Variants in FAM174A observed in about 807,000 individuals in gnomAD.
The protein encoded by FAM174A is family with sequence similarity 174 member A.
In FAM174A, 14 loss-of-function variants were observed where a neutral mutation model predicts 14.3. That is an observed-to-expected ratio of 0.98 (90% CI 0.65 to 1.53). The LOEUF (loss-of-function observed/expected upper bound fraction) is 1.53. Ranked by LOEUF, FAM174A falls within the 40% of genes most tolerant of loss-of-function variation. FAM174A has a pLI of 0.00. For missense variants in FAM174A, 241 were observed against 249.6 expected, an observed-to-expected ratio of 0.97 and a Z score of 0.23; for synonymous variants, 108 against 111.4, an observed-to-expected ratio of 0.97 and a Z score of 0.19.
chr5:100,555,992 G>C (rs2112378683), intron 1 of FAM174A, among the ~76,000 whole-genome samples: 1 of 152,264 alleles, frequency 6.6e-6, no homozygotes, highest in South Asian at 2.1e-4. Context: ...ATTGCTTTTG[G>C]TGTTTTCGAC....
Position 100,558,582 on chromosome 5 carries a change from T to C in FAM174A, c.435-3472T>C, listed in dbSNP as rs187865357. The stretch of plus-strand genomic sequence containing the variant: ...TATTGTGTGGGAGTCTAGGTCTCTT[T>C]GTAGTTCTCTAAGGACTTGCTTTAT... On this transcript the variant is annotated intron_variant, in intron 1 of 2. Coordinates refer to ENST00000312637, the MANE Select transcript of FAM174A (RefSeq NM_198507.3). 1.1e-4 allele frequency among the ~76,000 whole-genome samples: 17 copies of C among 152,262 alleles called. No homozygotes were observed. The East Asian group carries it at 3.3e-3, about 29-fold the overall frequency.
chr5:100,541,316 T>C (rs1462750106), intron 1 of FAM174A, among the ~76,000 whole-genome samples: 3 of 152,188 alleles, frequency 2.0e-5, no homozygotes, highest in African/African-American at 7.2e-5. Context: ...TTAAATATCA[T>C]TCCTGTTAGA....
chr5:100,547,574 GAGC>G (rs1372339854), intron 1 of FAM174A, among the ~76,000 whole-genome samples: 10 of 152,094 alleles, frequency 6.6e-5, no homozygotes, highest in Non-Finnish European at 1.0e-4. Flanking sequence ...AAAAGTTAGT[GAGC>G]TTTTTGGTGG....
At chr5:100,571,065 G>A (rs897996073) in intron 2 of FAM174A, among the ~76,000 whole-genome samples, 2 of 151,316 alleles carry the variant, frequency 1.3e-5, no homozygotes, top group African/African-American at 2.4e-5. Flanking sequence ...TCTATATATC[G>A]TTGGGTTCAA....
intron 1 of FAM174A, among the ~76,000 whole-genome samples, chr5:100,550,282 G>A (rs1009675394): frequency 6.6e-6 from 1 of 151,714 alleles, no homozygotes; most frequent in African/African-American, 2.4e-5. Flanking sequence ...TTATTTTTTT[G>A]TCCTGAGTCA....
intron 2 of FAM174A, among the ~76,000 whole-genome samples, chr5:100,580,859 C>CTCT (rs1746997298): frequency 6.6e-6 from 1 of 152,132 alleles, no homozygotes; most frequent in African/African-American, 2.4e-5. Flanking sequence ...GTCCTGTTAA[C>CTCT]AGACCCACTA....
chr5:100,575,640 G>A (rs1041707953), intron 2 of FAM174A, among the ~76,000 whole-genome samples: 7 of 151,940 alleles, frequency 4.6e-5, no homozygotes, highest in African/African-American at 1.7e-4. Context: ...ACTTCATGTC[G>A]AAAACACCAA....
chr5:100,535,928 G>T lies in FAM174A; in HGVS notation c.398G>T (p.Gly133Val), dbSNP rs1468170195. The change falls in exon 1 of 3, where the codon GGC becomes GTC. Residue 133 changes from glycine to valine, a missense_variant. Gly to Val is a moderately radical substitution (Grantham distance 109). Transcript: ENST00000312637. ...RALTVLMVVS[G>V]AVLVYFVVRT... ...CTGACCGTGTTGATGGTGGTGAGCG[G>T]CGCGGTGCTGGTGTACTTCGTGGTC... 3.7e-6 allele frequency: 6 copies of T among 1,607,890 alleles called. No individual in the cohort carries two copies. Among genetic ancestry groups the T allele is most frequent in the Admixed American group, 1.7e-5 (1 of 59,748 alleles).
In FAM174A at chr5:100,555,219, G is replaced by A. The variant is rs184063456; in HGVS notation, c.435-6835G>A. Among the ~76,000 whole-genome samples, 84 of 151,946 alleles carry A rather than the reference G, an allele frequency of 5.5e-4. 3 individuals carry two copies. Among genetic ancestry groups the A allele is most frequent in the Admixed American group, 4.7e-3 (72 of 15,244 alleles). On this transcript the variant is annotated intron_variant, in intron 1 of 2. Coordinates refer to ENST00000312637, the MANE Select transcript of FAM174A (RefSeq NM_198507.3). ...TTGCGACAGTTTGCTGAGAATGATG[G>A]TTTCCAGCTTCATCCATGTCCCTAC...
chr5:100,550,821 G>C (rs1746247580), intron 1 of FAM174A, among the ~76,000 whole-genome samples: 1 of 152,158 alleles, frequency 6.6e-6, no homozygotes, highest in South Asian at 2.1e-4. Flanking sequence ...GTAGGTGAGA[G>C]AAGACTGTGA....
chr5:100,578,733 A>G (rs1035693895), intron 2 of FAM174A, among the ~76,000 whole-genome samples: 2 of 150,980 alleles, frequency 1.3e-5, no homozygotes, highest in East Asian at 3.8e-4. Context: ...AACTCAACAC[A>G]TGTTTGGTGA....
At chr5:100,580,261 G>GA (rs142697491) in intron 2 of FAM174A, among the ~76,000 whole-genome samples, 27,628 of 152,090 alleles carry the variant, frequency 0.18, 3,231 homozygotes, top group Admixed American at 0.32. Context: ...GTTAAAATGT[G>GA]AAAAATGTGT....
At position 100,542,873 on chromosome 5, in the gene FAM174A, TCA is replaced by T. The variant is rs542646786; in HGVS notation, c.434+6916_434+6917del. Among the ~76,000 whole-genome samples the T allele has an allele frequency of 1.5e-3, 232 of 151,868 alleles. 1 individual carries two copies. The highest frequency in any genetic ancestry group is 5.0e-3 in the African/African-American group (207 of 41,354). On this transcript the variant is annotated intron_variant, in intron 1 of 2. Transcript: ENST00000312637. Reference sequence around the variant, plus strand: ...GTGTGTGTGTGTGTGTGTATAATATTCACACACATGTGTAGGGGGTATATGTG... The same window carrying T: ...GTGTGTGTGTGTGTGTGTATAATATTCACACATGTGTAGGGGGTATATGTG...
At chr5:100,572,722 G>A (rs149640953) in intron 2 of FAM174A, among the ~76,000 whole-genome samples, 3,428 of 152,142 alleles carry the variant, frequency 0.023, 123 homozygotes, top group Admixed American at 0.092. Context: ...ACATGTGCAC[G>A]TGTCTCTATA....
intron 1 of FAM174A, among the ~76,000 whole-genome samples, chr5:100,556,292 T>C (rs1746379180): frequency 6.6e-6 from 1 of 152,160 alleles, no homozygotes; most frequent in Non-Finnish European, 1.5e-5. Context: ...TTCTGTTCCA[T>C]TGGTCTATAT....
intron 1 of FAM174A, among the ~76,000 whole-genome samples, chr5:100,557,081 G>A (rs1018596606): frequency 6.6e-6 from 1 of 152,154 alleles, no homozygotes; most frequent in African/African-American, 2.4e-5. Flanking sequence ...CTGTGGGTTT[G>A]TCATAGATAA....
At chr5:100,579,345 T>G (rs1365889178) in intron 2 of FAM174A, among the ~76,000 whole-genome samples, 1 of 152,132 alleles carries the variant, frequency 6.6e-6, no homozygotes, top group African/African-American at 2.4e-5. Context: ...ATTCAGTTAA[T>G]CTAAGACACC....
Position 100,557,851 on chromosome 5 carries a change from G to A in FAM174A, c.435-4203G>A, listed in dbSNP as rs137879945. ...CTTTTTTTCTTTATTAGTCTTGCTAGCAGTCTATCAATTTTGTTGATCTTT... is the reference window on the plus strand; with the variant it reads ...CTTTTTTTCTTTATTAGTCTTGCTAACAGTCTATCAATTTTGTTGATCTTT... On this transcript the variant is annotated intron_variant, in intron 1 of 2. Coordinates refer to ENST00000312637, the MANE Select transcript of FAM174A (RefSeq NM_198507.3). Among the ~76,000 whole-genome samples, 926 of 152,016 alleles carry A rather than the reference G, an allele frequency of 6.1e-3. 14 individuals are homozygous for A. The highest frequency in any genetic ancestry group is 0.022 in the African/African-American group (892 of 41,464).
chr5:100,586,030 C>A, intron 2 of FAM174A, 151 bp from the exon 3 acceptor site: 1 of 361,650 alleles, frequency 2.8e-6, no homozygotes, highest in Non-Finnish European at 5.2e-6. Context: ...ACAAAATAAG[C>A]ATGTGTTATT....
Sources: gnomAD v4.1 joint callset for allele counts (sites outside exome capture counted in the v4.1 genomes callset) on GRCh38, gnomAD v4.1.1 for gene constraint, MANE v1.5 for transcripts, NCBI Gene and HGNC (gene_info 2026-07-23, HGNC 2026-07-21) for gene names.